WFS1: variants seen among roughly 807,000 people sequenced by gnomAD.
The protein encoded by WFS1 is wolframin.
WFS1 carries 90 observed loss-of-function variants against 68.5 expected under a neutral mutation model. That is an observed-to-expected ratio of 1.31 (90% CI 1.11 to 1.56). The LOEUF (loss-of-function observed/expected upper bound fraction) is 1.56, where lower values mean the gene tolerates loss of function less well. WFS1 is among the 40% of genes most tolerant of loss of function. The pLI is 0.00. For synonymous variants in WFS1, 860 were observed against 540.7 expected (o/e 1.59, Z -8.19); for missense variants, 1,767 against 1,232.6 (o/e 1.43, Z -6.49).
rs148404077 is a variant in WFS1, at chr4:6,287,151, C to T, written c.291C>T (p.Ala97=). The change falls in exon 3 of 8, where the codon GCC becomes GCT. Residue 97 remains alanine, a synonymous_variant. Coordinates refer to ENST00000226760, the MANE Select transcript of WFS1 (RefSeq NM_006005.3). The surrounding 1 kb of genome is among the most constrained non-coding windows in gnomAD (Gnocchi z 6.4). ...PFEEVLERAK[A]GDPKAQTEVG... is the part of the protein sequence containing the mutation. ...AAGAAGTCCTGGAGAGGGCCAAGGC[C>T]GGGGACCCCAAGGCACAGACTGAGG... 3.3e-5 allele frequency: 51 copies of T among 1,560,728 alleles called. 1 individual carries two copies. In the South Asian group the frequency reaches 3.8e-4, roughly 12 times the overall value.
chr4:6,274,832 AT>A (rs1729947580), intron 1 of WFS1, among the ~76,000 whole-genome samples: 2 of 129,880 alleles, frequency 1.5e-5, no homozygotes, highest in Admixed American at 1.5e-4. Flanking sequence ...GTGCAGTGGC[AT>A]GGCGGTCTGA....
rs547459104 is a variant in WFS1, at chr4:6,302,418, G to A, written c.2623G>A (p.Val875Met). Residue 875 changes from valine to methionine, a missense_variant, in exon 8 of 8, where the codon GTG becomes ATG. Coordinates refer to ENST00000226760, the MANE Select transcript of WFS1 (RefSeq NM_006005.3). The part of the protein sequence containing the change: ...HDWRSTVHGA[V>M]KFAFDFFFFP... The stretch of plus-strand genomic sequence containing the variant: ...CTGGCGCAGCACCGTGCATGGCGCC[G>A]TGAAGTTCGCCTTCGACTTCTTTTT... 46 of 1,613,162 alleles carry A rather than the reference G, an allele frequency of 2.9e-5. No individual in the cohort carries two copies. Among genetic ancestry groups the A allele is most frequent in the East Asian group, 6.7e-5 (3 of 44,886 alleles).
chr4:6,270,569 A>G (rs1205132354), intron 1 of WFS1, among the ~76,000 whole-genome samples: 2 of 152,118 alleles, frequency 1.3e-5, no homozygotes, highest in South Asian at 4.1e-4. Flanking sequence ...GCGCTGTGGC[A>G]GTTCCTCTCT....
chr4:6,301,392 C>T lies in WFS1; in HGVS notation c.1597C>T (p.Pro533Ser), dbSNP rs146132083. The T allele has an allele frequency of 1.1e-3, 1,794 of 1,612,448 alleles. 2 individuals carry two copies. The highest frequency in any genetic ancestry group is 1.4e-3 in the Non-Finnish European group (1,666 of 1,180,038). ...CAAGGGCACCTACTGCTACCTTGTG[C>T]CCTACCTGGTGTGCTTCATGTGGTG... is the stretch of plus-strand genomic sequence containing the variant. ...NFKGTYCYLVPYLVCFMWCEL... is the reference protein window; with the variant it reads ...NFKGTYCYLVSYLVCFMWCEL... Residue 533 changes from proline (P) to serine (S), a missense_variant, in exon 8 of 8, where the codon CCC becomes TCC. By Grantham distance (74) the Pro-to-Ser change is moderately conservative (BLOSUM62 -1). Transcript: ENST00000226760.
In WFS1 at chr4:6,291,243, G is replaced by A; in HGVS notation, c.507G>A (p.Glu169=). 1 of 1,613,186 alleles carries A rather than the reference G, an allele frequency of 6.2e-7. No individual in the cohort carries two copies. ...NEREVRQLSS[E]TDLERAVRKA... ...GGGAGGTGAGGCAGCTCTCCTCCGA[G>A]ACCGACCTGGAGAGGGCCGTGCGCA... The change falls in exon 5 of 8, where the codon GAG becomes GAA. Residue 169 remains glutamate, a synonymous_variant. Coordinates refer to ENST00000226760, the MANE Select transcript of WFS1 (RefSeq NM_006005.3).
rs1186598322 is a variant in WFS1 at position 6,291,970 on chromosome 4, A to G, written c.685A>G (p.Met229Val). 3.7e-6 allele frequency: 6 copies of G among 1,609,370 alleles called. No homozygotes were observed. Among genetic ancestry groups the G allele is most frequent in the South Asian group, 1.1e-5 (1 of 89,904 alleles). Residue 229 changes from methionine to valine, a missense_variant, in exon 6 of 8, where the codon ATG becomes GTG. Coordinates refer to ENST00000226760, the MANE Select transcript of WFS1 (RefSeq NM_006005.3). Reference protein sequence around the residue: ...VPKSLQKQRRMLERLVSSESK... With the variant: ...VPKSLQKQRRVLERLVSSESK... The stretch of plus-strand genomic sequence containing the variant: ...CAAGTCCCTGCAGAAGCAGAGGCGC[A>G]TGCTGGAGCGCCTGGTCAGCAGCGA...
chr4:6,291,303 C>CAAG lies in WFS1; in HGVS notation c.577_579dup (p.Lys193dup), dbSNP rs752461187. ...TGGTCATGTACTGGAAGCTCAACCC[C>CAAG]AAGAAGAAGAAGCAGGTGGCCGTGG... On this transcript the variant is annotated inframe_insertion, in exon 5 of 8. Transcript: ENST00000226760. The CAAG allele has an allele frequency of 1.9e-6, 3 of 1,613,502 alleles. No homozygotes were observed. The highest frequency in any genetic ancestry group is 4.5e-5 in the East Asian group (2 of 44,856).
chr4:6,294,791 TGGGGGACAGCACACCCAGGGGCC>T lies in WFS1; in HGVS notation c.713-244_713-222del, dbSNP rs1157042310. ...GCTAGGCAGAGAGGGACACTTGGGG[TGGGGGACAGCACACCCAGGGGCC>T]GGGGGCCAGGAGTGGAGGCTGGCAC... is the stretch of plus-strand genomic sequence containing the variant. On this transcript the variant is annotated intron_variant, in intron 6 of 7. Coordinates refer to ENST00000226760, the MANE Select transcript of WFS1 (RefSeq NM_006005.3). 9.5e-6 allele frequency: 5 copies of T among 528,822 alleles called. No homozygotes were observed. The African/African-American group carries it at 9.6e-5, about 10-fold the overall frequency. The allele number at this position is 528,822 out of a possible 1,614,324, so 32.8% of individuals were successfully genotyped here. A position where few individuals can be genotyped will look rare whatever the true frequency, so the allele number is the denominator to read the frequency against.
At position 6,291,879 on chromosome 4, in the gene WFS1, C is replaced by A. The variant is rs762153265; in HGVS notation, c.632-38C>A. ...GGGCTGCAGGGCACGAGGAGATAGT[C>A]AACTTGTCTGACTGTTAATCCACCC... On this transcript the variant is annotated intron_variant, in intron 5 of 7. Coordinates refer to ENST00000226760, the MANE Select transcript of WFS1 (RefSeq NM_006005.3). 4.4e-6 allele frequency: 7 copies of A among 1,584,264 alleles called. No homozygotes were observed. In the South Asian group the frequency reaches 4.6e-5, roughly 10 times the overall value.
chr4:6,291,980 G>A lies in WFS1; in HGVS notation c.695G>A (p.Arg232His), dbSNP rs375904080. The A allele has an allele frequency of 1.5e-4, 234 of 1,608,552 alleles. 1 individual carries two copies. Among genetic ancestry groups the A allele is most frequent in the African/African-American group, 3.2e-4 (24 of 74,982 alleles). Residue 232 changes from arginine (R) to histidine (H), a missense_variant, in exon 6 of 8, where the codon CGC becomes CAC. Transcript: ENST00000226760. Reference sequence around the variant, plus strand: ...CAGAAGCAGAGGCGCATGCTGGAGCGCCTGGTCAGCAGCGAGTGTGAGTGC... The same window carrying A: ...CAGAAGCAGAGGCGCATGCTGGAGCACCTGGTCAGCAGCGAGTGTGAGTGC... Reference protein sequence around the residue: ...SLQKQRRMLERLVSSESKNYI... With the variant: ...SLQKQRRMLEHLVSSESKNYI...
intron 2 of WFS1, among the ~76,000 whole-genome samples, chr4:6,279,007 T>C (rs1478430893): frequency 6.6e-6 from 1 of 152,174 alleles, no homozygotes; most frequent in Non-Finnish European, 1.5e-5. Flanking sequence ...CGGTCTCCAA[T>C]GTGGGGGTGG....
intron 3 of WFS1, among the ~76,000 whole-genome samples, chr4:6,288,301 T>C (rs1730368805): frequency 6.6e-6 from 1 of 152,170 alleles, no homozygotes; most frequent in Non-Finnish European, 1.5e-5. Context: ...TGCCCAGGCA[T>C]TTGGAGGCGG....
intron 5 of WFS1, 48 bp downstream of exon 5, chr4:6,291,415 C>T (rs937351820): frequency 4.4e-6 from 7 of 1,601,092 alleles, no homozygotes; most frequent in Non-Finnish European, 5.1e-6. Flanking sequence ...CGCCAGCCTT[C>T]CCACAGGAGC....
rs1257480683 is a variant in WFS1 at position 6,301,338 on chromosome 4, T to C, written c.1543T>C (p.Phe515Leu). Residue 515 changes from phenylalanine to leucine, a missense_variant, in exon 8 of 8, where the codon TTC (phenylalanine) becomes CTC (leucine). Physicochemically the swap from Phe to Leu is conservative, Grantham distance 22 (BLOSUM62 0). Transcript: ENST00000226760. ...CLLYVYLLYL[F>L]FRMAQLRNFK... is the part of the protein sequence containing the mutation. ...GCTCTATGTCTACCTGCTCTATCTC[T>C]TCTTCCGCATGGCACAGCTGAGGAA... The C allele has an allele frequency of 1.2e-6, 2 of 1,612,064 alleles. No individual in the cohort carries two copies. Among genetic ancestry groups the C allele is most frequent in the Non-Finnish European group, 1.7e-6 (2 of 1,180,028 alleles).
At chr4:6,280,167 G>T (rs1214075266) in intron 2 of WFS1, among the ~76,000 whole-genome samples, 4 of 152,254 alleles carry the variant, frequency 2.6e-5, no homozygotes, top group African/African-American at 7.2e-5. Flanking sequence ...CCTCATGGCA[G>T]CCCTGAGAGG....
At chr4:6,288,958 C>T (rs2109115030) in intron 3 of WFS1, 29 bp from the exon 4 acceptor site, 7 of 1,603,326 alleles carry the variant, frequency 4.4e-6, no homozygotes, top group Non-Finnish European at 6.0e-6. Flanking sequence ...GTCGGAGAAT[C>T]TGGAGGCTGA....
intron 7 of WFS1, among the ~76,000 whole-genome samples, chr4:6,299,830 ATGTGTATAGGGGTGGGTTGTGTGAATGCG>A (rs1459710966): frequency 1.6e-5 from 1 of 64,162 alleles, no homozygotes; most frequent in Non-Finnish European, 2.8e-5. Context: ...GTGTGTGTGA[ATGTGTATAGGGGTGGGTTGTGTGAATGCG>A]TGTGTGTAGG....
At chr4:6,299,964 TGTGTGTGCAC>T (rs1384489359) in intron 7 of WFS1, among the ~76,000 whole-genome samples, 4 of 149,530 alleles carry the variant, frequency 2.7e-5, no homozygotes, top group African/African-American at 1.0e-4. Context: ...GTTGCGTGTG[TGTGTGTGCAC>T]GTGTGTGTAC....
rs1313700780 is a variant in WFS1, at chr4:6,283,314, G to C, written c.233-3779G>C. On this transcript the variant is annotated intron_variant, in intron 2 of 7. Transcript: ENST00000226760. The surrounding 1 kb of genome is among the most constrained non-coding windows in gnomAD (Gnocchi z 5.0). ...ACTGCTATTTTGTGATTGATAGGCA[G>C]ACTTTCAAAGAATGAGTTAGATTCA... 2.0e-5 allele frequency among the ~76,000 whole-genome samples: 3 copies of C among 152,232 alleles called. No individual in the cohort carries two copies. Among genetic ancestry groups the C allele is most frequent in the African/African-American group, 7.2e-5 (3 of 41,462 alleles).
Sources: gnomAD v4.1 joint callset for allele counts (sites outside exome capture counted in the v4.1 genomes callset) on GRCh38, gnomAD v4.1.1 for gene constraint, Gnocchi (gnomAD v3.1) non-coding constraint, MANE v1.5 for transcripts, NCBI Gene and HGNC (gene_info 2026-07-23, HGNC 2026-07-21) for gene names.